GNA14: variants seen among roughly 807,000 people sequenced by gnomAD.
GNA14 encodes the protein guanine nucleotide-binding protein subunit alpha-14.
Under a neutral mutation model 42.0 loss-of-function variants are expected in GNA14, and 50 were observed. The ratio of observed to expected loss-of-function variants is 1.19; its 90% CI spans 0.95 to 1.51. GNA14 has a LOEUF of 1.51. GNA14 is among the 40% of genes most tolerant of loss of function. GNA14 has a pLI of 0.00. For synonymous variants in GNA14, 173 were observed against 163.1 expected, an observed-to-expected ratio of 1.06 and a Z score of -0.46; for missense variants, 473 against 446.2, an observed-to-expected ratio of 1.06 and a Z score of -0.54.
At chr9:77,521,040 T>TATAA (rs1837348387) in intron 2 of GNA14, among the ~76,000 whole-genome samples, 3 of 152,214 alleles carry the variant, frequency 2.0e-5, no homozygotes, top group African/African-American at 7.2e-5. Context: ...CAAACTCTTA[T>TATAA]ATTTCAAGCT....
chr9:77,497,016 G>A (rs1052624423), intron 2 of GNA14, among the ~76,000 whole-genome samples: 7 of 152,136 alleles, frequency 4.6e-5, no homozygotes, highest in African/African-American at 2.4e-5. Context: ...CCCTCCAGAG[G>A]TAATGTAATC....
chr9:77,424,857 C>T (rs1217636797), intron 6 of GNA14, among the ~76,000 whole-genome samples: 1 of 152,088 alleles, frequency 6.6e-6, no homozygotes, highest in African/African-American at 2.4e-5. Flanking sequence ...GAGGGTGCTA[C>T]ACTACACAGC....
intron 1 of GNA14, among the ~76,000 whole-genome samples, chr9:77,626,307 C>G (rs1824012045): frequency 6.6e-6 from 1 of 152,044 alleles, no homozygotes; most frequent in South Asian, 2.1e-4. Flanking sequence ...CTTTAACACC[C>G]CATTGTCAAT....
intron 1 of GNA14, among the ~76,000 whole-genome samples, chr9:77,531,878 A>G (rs1466690909): frequency 6.7e-6 from 1 of 150,046 alleles, no homozygotes; most frequent in Non-Finnish European, 1.5e-5. Flanking sequence ...AGTGATTTTA[A>G]GGGTTCATAC....
chr9:77,629,795 G>C (rs1824067430), intron 1 of GNA14, among the ~76,000 whole-genome samples: 1 of 152,060 alleles, frequency 6.6e-6, no homozygotes, highest in African/African-American at 2.4e-5. Context: ...GGGTTGATGG[G>C]TGCAGCAAAC....
chr9:77,544,938 A>G (rs567762830), intron 1 of GNA14, among the ~76,000 whole-genome samples: 4 of 152,304 alleles, frequency 2.6e-5, no homozygotes, highest in African/African-American at 9.6e-5. Flanking sequence ...GAAGTAATCT[A>G]ACACTACAGC....
intron 2 of GNA14, among the ~76,000 whole-genome samples, chr9:77,437,175 CCTT>C (rs1446068559): frequency 2.0e-5 from 3 of 152,220 alleles, no homozygotes; most frequent in Non-Finnish European, 2.9e-5. Flanking sequence ...TTCTATCTCT[CCTT>C]CTCACAAACA....
intron 1 of GNA14, among the ~76,000 whole-genome samples, chr9:77,597,423 C>T (rs535435800): frequency 2.7e-4 from 41 of 152,122 alleles, no homozygotes; most frequent in African/African-American, 9.2e-4. Flanking sequence ...CACAGTATAA[C>T]GTTAAAGACA....
intron 1 of GNA14, among the ~76,000 whole-genome samples, chr9:77,592,691 C>A: frequency 6.6e-6 from 1 of 152,154 alleles, no homozygotes; most frequent in Non-Finnish European, 1.5e-5. Context: ...GATCTTCAAC[C>A]CTTCATAAAT....
chr9:77,551,808 G>C (rs1267731134), intron 1 of GNA14, among the ~76,000 whole-genome samples: 1 of 152,010 alleles, frequency 6.6e-6, no homozygotes, highest in Non-Finnish European at 1.5e-5. Context: ...CATCTTCAGT[G>C]ATTTTAGAAG....
At chr9:77,529,299 G>C in intron 1 of GNA14, 46 bp from the exon 2 acceptor site, 1 of 1,445,924 alleles carries the variant, frequency 6.9e-7, no homozygotes, top group Non-Finnish European at 9.7e-7. Context: ...GACTTCCAAA[G>C]GAACACACGA....
At chr9:77,628,617 G>A (rs1242512839) in intron 1 of GNA14, among the ~76,000 whole-genome samples, 5 of 152,056 alleles carry the variant, frequency 3.3e-5, no homozygotes, top group African/African-American at 7.2e-5. Flanking sequence ...TGACCAACCC[G>A]ACAAAAACAA....
At chr9:77,575,592 A>G (rs1254516050) in intron 1 of GNA14, among the ~76,000 whole-genome samples, 2 of 152,142 alleles carry the variant, frequency 1.3e-5, no homozygotes, top group Non-Finnish European at 2.9e-5. Context: ...TTTCAGGCCA[A>G]TTGAGTTATA....
intron 2 of GNA14, among the ~76,000 whole-genome samples, chr9:77,501,466 A>C (rs1836969694): frequency 6.6e-6 from 1 of 152,160 alleles, no homozygotes; most frequent in Non-Finnish European, 1.5e-5. Flanking sequence ...AATGATATTG[A>C]GGATCATTTC....
At chr9:77,596,188 G>A (rs36024384) in intron 1 of GNA14, among the ~76,000 whole-genome samples, 16,859 of 151,756 alleles carry the variant, frequency 0.11, 1,045 homozygotes, top group Middle Eastern at 0.22. Flanking sequence ...CATTTATAGA[G>A]GTCAATAAAC....
intron 2 of GNA14, among the ~76,000 whole-genome samples, chr9:77,514,134 G>A (rs1009910273): frequency 3.3e-5 from 5 of 152,118 alleles, no homozygotes; most frequent in African/African-American, 7.2e-5. Flanking sequence ...CCCATGCCAG[G>A]CTTTTTGGTT....
chr9:77,493,022 A>ATAT (rs1183078215), intron 2 of GNA14, among the ~76,000 whole-genome samples: 699 of 74,516 alleles, frequency 9.4e-3, no homozygotes, highest in Middle Eastern at 0.013. Flanking sequence ...AAAAAAAAAA[A>ATAT]AAAAATATAT....
intron 1 of GNA14, among the ~76,000 whole-genome samples, chr9:77,646,904 A>T (rs1446500863): frequency 6.6e-6 from 1 of 152,198 alleles, no homozygotes; most frequent in African/African-American, 2.4e-5. Flanking sequence ...ACACCAAAAG[A>T]GCTGGATGAA....
At chr9:77,428,866 C>A in intron 5 of GNA14, 41 bp downstream of exon 5, 1 of 1,603,944 alleles carries the variant, frequency 6.2e-7, no homozygotes, top group South Asian at 1.1e-5. Context: ...ACAGAATAGG[C>A]TCTGGCTTCC....
Sources: allele counts gnomAD v4.1 joint callset (sites outside exome capture counted in the v4.1 genomes callset), GRCh38; gene constraint gnomAD v4.1.1; transcripts MANE v1.5; gene names NCBI Gene and HGNC (gene_info 2026-07-23, HGNC 2026-07-21).